Variants in TRHDE observed in about 807,000 individuals in gnomAD.
The protein encoded by TRHDE is thyrotropin-releasing hormone-degrading ectoenzyme.
TRHDE carries 72 observed loss-of-function variants against 125.7 expected under a neutral mutation model. That is an observed-to-expected ratio of 0.57 (90% confidence interval 0.47 to 0.70). The LOEUF (loss-of-function observed/expected upper bound fraction) is 0.70, where lower values mean the gene tolerates loss of function less well. Among genes scored for constraint, TRHDE ranks in the 30% least tolerant of loss-of-function variants. TRHDE has a pLI of 0.00. For synonymous variants in TRHDE, 509 were observed against 509.1 expected (o/e 1.00, Z 0.00); for missense variants, 1,110 against 1,327.1 (o/e 0.84, Z 2.54).
chr12:72,279,518 A>G (rs1018731779), intron 1 of TRHDE, among the ~76,000 whole-genome samples: 4 of 152,194 alleles, frequency 2.6e-5, no homozygotes, highest in African/African-American at 9.7e-5. Flanking sequence ...TTTCTACTAC[A>G]GGAGACTGCA....
chr12:72,523,881 C>T (rs1868289475), intron 6 of TRHDE, among the ~76,000 whole-genome samples: 1 of 152,080 alleles, frequency 6.6e-6, no homozygotes, highest in South Asian at 2.1e-4. Flanking sequence ...TTGAAATTCT[C>T]CAGGGACAGA....
chr12:72,621,077 C>T (rs762031295), intron 13 of TRHDE, 31 bp from the exon 14 acceptor site: 13 of 1,269,784 alleles, frequency 1.0e-5, no homozygotes, highest in South Asian at 1.3e-5. Flanking sequence ...TTAAACTGAC[C>T]TTATCTTTAT....
intron 2 of TRHDE, among the ~76,000 whole-genome samples, chr12:72,302,116 A>C (rs1249944117): frequency 7.2e-5 from 11 of 152,146 alleles, no homozygotes; most frequent in Non-Finnish European, 1.6e-4. Flanking sequence ...ACATGTGGGA[A>C]GATGGAATGT....
intron 1 of TRHDE, among the ~76,000 whole-genome samples, chr12:72,276,120 A>G (rs1161446100): frequency 6.6e-6 from 1 of 152,174 alleles, no homozygotes; most frequent in African/African-American, 2.4e-5. Context: ...TACTATAGCC[A>G]CTTGGAGCAT....
intron 2 of TRHDE, among the ~76,000 whole-genome samples, chr12:72,338,929 G>A (rs150981278): frequency 0.011 from 1,613 of 152,228 alleles, 11 homozygotes; most frequent in Middle Eastern, 0.031. Context: ...TTTGAAATTG[G>A]CCTTACATAG....
At chr12:72,216,999 A>G (rs1877907108) in intron 2 of TRHDE, among the ~76,000 whole-genome samples, 2 of 151,842 alleles carry the variant, frequency 1.3e-5, no homozygotes, top group South Asian at 4.1e-4. Context: ...ATTGTATTAA[A>G]TAAGTTGTTT....
intron 1 of TRHDE, among the ~76,000 whole-genome samples, chr12:72,285,845 C>G (rs922996098): frequency 6.6e-6 from 1 of 152,112 alleles, no homozygotes; most frequent in Non-Finnish European, 1.5e-5. Flanking sequence ...AATATTTAAT[C>G]TTTGTCTTCA....
intron 3 of TRHDE, among the ~76,000 whole-genome samples, chr12:72,419,686 A>T (rs1445358082): frequency 6.6e-6 from 1 of 152,198 alleles, no homozygotes; most frequent in African/African-American, 2.4e-5. Context: ...AACATTAGGG[A>T]TTACATTTGG....
chr12:72,118,038 C>T (rs563471533), intron 2 of TRHDE, among the ~76,000 whole-genome samples: 4 of 151,858 alleles, frequency 2.6e-5, no homozygotes, highest in African/African-American at 9.6e-5. Flanking sequence ...TGACTTTTTC[C>T]TTTCCAATTT....
chr12:72,393,699 G>A (rs899080668), intron 3 of TRHDE, among the ~76,000 whole-genome samples: 3 of 152,138 alleles, frequency 2.0e-5, no homozygotes, highest in African/African-American at 4.8e-5. Context: ...TTCTTGGATG[G>A]TGGTTGATTT....
At chr12:72,111,149 T>C (rs1311385214) in intron 2 of TRHDE, among the ~76,000 whole-genome samples, 2 of 152,160 alleles carry the variant, frequency 1.3e-5, no homozygotes, top group Admixed American at 6.6e-5. Context: ...AAAAAATGTT[T>C]TCTGGCTGTT....
chr12:72,266,049 T>C (rs1879060599), intron 2 of TRHDE, among the ~76,000 whole-genome samples: 1 of 152,056 alleles, frequency 6.6e-6, no homozygotes, highest in East Asian at 1.9e-4. Context: ...AACAGCTATA[T>C]TGATAAACAT....
At position 72,299,591 on chromosome 12, in the gene TRHDE, A is replaced by G. The variant is rs145631960; in HGVS notation, c.1188+12637A>G. Among the ~76,000 whole-genome samples, 769 of 152,328 alleles carry G rather than the reference A, an allele frequency of 5.0e-3. 17 individuals carry two copies. Among genetic ancestry groups the G allele is most frequent in the Admixed American group, 0.047 (713 of 15,288 alleles). On this transcript the variant is annotated intron_variant, in intron 2 of 18. Coordinates refer to ENST00000261180, the MANE Select transcript of TRHDE (RefSeq NM_013381.3). ...AACAATGAACTGAAATATTGGGAAA[A>G]TCTGTCATAATTAAGATCAAAGAGA...
intron 5 of TRHDE, among the ~76,000 whole-genome samples, chr12:72,490,817 G>A (rs1414182551): frequency 1.3e-5 from 2 of 150,736 alleles, no homozygotes; most frequent in African/African-American, 4.9e-5. Context: ...AGTGGATACA[G>A]GTGGAGAGGT....
intron 2 of TRHDE, among the ~76,000 whole-genome samples, chr12:72,195,841 A>G (rs1208426330): frequency 2.0e-5 from 3 of 151,988 alleles, no homozygotes; most frequent in Admixed American, 6.6e-5. Context: ...TTCTTCTAGG[A>G]TTCTTATTGT....
At chr12:72,637,702 T>C (rs1811834646) in intron 15 of TRHDE, among the ~76,000 whole-genome samples, 1 of 152,206 alleles carries the variant, frequency 6.6e-6, no homozygotes, top group African/African-American at 2.4e-5. Context: ...TGGTATGTTG[T>C]GTCTTTGTTC....
chr12:72,341,132 G>GTTT lies in TRHDE; in HGVS notation c.1189-36852_1189-36850dup, dbSNP rs386376946. Among the ~76,000 whole-genome samples the GTTT allele has an allele frequency of 1.9e-3, 272 of 144,706 alleles. 1 individual carries two copies. Among genetic ancestry groups the GTTT allele is most frequent in the African/African-American group, 3.2e-3 (125 of 39,660 alleles). 94.9% of individuals were successfully genotyped at this position (144,706 alleles called of 152,430 possible). ...TTCTATTCTATCAGGCTTTCCTTCA[G>GTTT]TTTTTTTTTTTTTAATTATACTCTA... On this transcript the variant is annotated intron_variant, in intron 2 of 18. Coordinates refer to ENST00000261180, the MANE Select transcript of TRHDE (RefSeq NM_013381.3).
chr12:72,522,161 A>AGTTAGTAAATG (rs1247613931), intron 6 of TRHDE, among the ~76,000 whole-genome samples: 2 of 152,176 alleles, frequency 1.3e-5, no homozygotes, highest in African/African-American at 2.4e-5. Flanking sequence ...TAAATGGTGG[A>AGTTAGTAAATG]GTCAGGATTC....
intron 3 of TRHDE, among the ~76,000 whole-genome samples, chr12:72,443,136 T>G (rs1875100064): frequency 6.6e-6 from 1 of 151,686 alleles, no homozygotes; most frequent in Non-Finnish European, 1.5e-5. Context: ...CTACCAACAT[T>G]GTACTACAAT....
Sources: gnomAD v4.1 joint callset for allele counts (sites outside exome capture counted in the v4.1 genomes callset) on GRCh38, gnomAD v4.1.1 for gene constraint, MANE v1.5 for transcripts, NCBI Gene and HGNC (gene_info 2026-07-23, HGNC 2026-07-21) for gene names.